FGF18: variants seen among roughly 807,000 people sequenced by gnomAD.
FGF18 encodes the protein fibroblast growth factor 18.
A neutral mutation model predicts 23.0 loss-of-function variants in FGF18; 5 were observed. That is an observed-to-expected ratio of 0.22 (90% CI 0.11 to 0.46). The LOEUF is 0.46. Ranked by LOEUF, FGF18 falls within the 20% of genes least tolerant of loss-of-function variation. The pLI is 0.99. For synonymous variants in FGF18, 117 were observed against 118.9 expected (o/e 0.98, Z 0.10); for missense variants, 180 against 291.6 (o/e 0.62, Z 2.79).
intron 2 of FGF18, among the ~76,000 whole-genome samples, 175 bp from the exon 3 acceptor site, chr5:171,435,918 C>T (rs1003609772): frequency 6.6e-6 from 1 of 152,154 alleles, no homozygotes; most frequent in Non-Finnish European, 1.5e-5. Flanking sequence ...CTCAGAGCCC[C>T]GGTTGCCTTG....
intron 2 of FGF18, among the ~76,000 whole-genome samples, chr5:171,433,774 C>T (rs1242984315): frequency 2.0e-5 from 3 of 152,182 alleles, no homozygotes; most frequent in African/African-American, 4.8e-5. Flanking sequence ...GGGTGATAAG[C>T]GTTCTCATGG....
intron 2 of FGF18, among the ~76,000 whole-genome samples, chr5:171,420,932 G>GAC (rs1561882665): frequency 6.6e-6 from 1 of 152,220 alleles, no homozygotes; most frequent in African/African-American, 2.4e-5. Flanking sequence ...CACACACACA[G>GAC]ACACACACAC....
rs1772515213 is a variant in FGF18, at chr5:171,451,850, C to T, written c.357+2597C>T. Among the ~76,000 whole-genome samples, 1 of 152,212 alleles carries T rather than the reference C, an allele frequency of 6.6e-6. No homozygotes were observed. The highest frequency in any genetic ancestry group is 2.1e-4 in the South Asian group (1 of 4,830). ...TCCCTCTGTCCACTTGCCCTGAGTC[C>T]TGGCTGGTCATTCCCTGACCCCTCT... On this transcript the variant is annotated intron_variant, in intron 4 of 4. Coordinates refer to ENST00000274625, the MANE Select transcript of FGF18 (RefSeq NM_003862.3). This position sits in a 1 kb window ranked among gnomAD's most constrained non-coding sequence, Gnocchi z 4.5.
At chr5:171,449,376 TGTGTGTGTGTGTGTGTGTGTGTGTGA>T (rs1772461119) in intron 4 of FGF18, 123 bp downstream of exon 4, 1 of 473,130 alleles carries the variant, frequency 2.1e-6, no homozygotes, top group African/African-American at 2.4e-5. Flanking sequence ...TGTGTGTGTG[TGTGTGTGTGTGTGTGTGTGTGTGTGA>T]GAGAGAGAGA....
intron 3 of FGF18, 147 bp from the exon 4 acceptor site, chr5:171,449,000 C>A: frequency 1.5e-6 from 1 of 656,934 alleles, no homozygotes; most frequent in South Asian, 1.7e-5. Context: ...AGGCATCTGT[C>A]CTGTGGGACT....
Position 171,449,408 on chromosome 5 carries a change from A to T in FGF18, c.357+155A>T, listed in dbSNP as rs878902685. ...GTGTGTGTGTGTGTGTGTGAGAGAGAGAGAGAGAGAGAGAGACAGGAGAGA... is the reference window on the plus strand; with the variant it reads ...GTGTGTGTGTGTGTGTGTGAGAGAGTGAGAGAGAGAGAGAGACAGGAGAGA... On this transcript the variant is annotated intron_variant, in intron 4 of 4. Coordinates refer to ENST00000274625, the MANE Select transcript of FGF18 (RefSeq NM_003862.3). Among the ~76,000 whole-genome samples the T allele has an allele frequency of 8.7e-3, 651 of 74,688 alleles. 7 individuals are homozygous for T. Among genetic ancestry groups the T allele is most frequent in the African/African-American group, 0.017 (437 of 26,246 alleles). 49.0% of individuals were successfully genotyped at this position (74,688 alleles called of 152,430 possible). A position where few individuals can be genotyped will look rare whatever the true frequency, so the allele number is the denominator to read the frequency against.
intron 2 of FGF18, among the ~76,000 whole-genome samples, chr5:171,425,401 A>C (rs1229312048): frequency 1.3e-5 from 2 of 151,880 alleles, no homozygotes; most frequent in African/African-American, 4.8e-5. Flanking sequence ...TTGTATTTTT[A>C]GTAGAGATGG....
rs552672894 is a variant in FGF18, at chr5:171,437,661, C to T, written c.250+1388C>T. 2.6e-5 allele frequency among the ~76,000 whole-genome samples: 4 copies of T among 152,366 alleles called. No homozygotes were observed. The East Asian group carries it at 7.7e-4, about 29-fold the overall frequency. ...TCTGCTGGCTGCCTCTATGGGGCCTCCCATCCCTCGTGGCCCCCTCCACAG... is the reference window on the plus strand; with the variant it reads ...TCTGCTGGCTGCCTCTATGGGGCCTTCCATCCCTCGTGGCCCCCTCCACAG... On this transcript the variant is annotated intron_variant, in intron 3 of 4. Coordinates refer to ENST00000274625, the MANE Select transcript of FGF18 (RefSeq NM_003862.3).
chr5:171,431,127 T>G (rs1413187286), intron 2 of FGF18, among the ~76,000 whole-genome samples: 1 of 152,164 alleles, frequency 6.6e-6, no homozygotes, highest in Non-Finnish European at 1.5e-5. Context: ...GCTAAAATCT[T>G]CAAGCCAGAG....
At chr5:171,431,168 G>T (rs1436606807) in intron 2 of FGF18, among the ~76,000 whole-genome samples, 2 of 152,196 alleles carry the variant, frequency 1.3e-5, no homozygotes, top group African/African-American at 4.8e-5. Flanking sequence ...ATGCTCTGGT[G>T]TGAGGTGGTA....
rs765460098 is a variant in FGF18, at chr5:171,456,580, T to G, written c.399T>G (p.Val133=). The change falls in exon 5 of 5, where the codon GTT becomes GTG. Residue 133 remains valine, a synonymous_variant. Transcript: ENST00000274625. The surrounding 1 kb of genome is among the most constrained non-coding windows in gnomAD (Gnocchi z 6.1). ...TSKECVFIEK[V]LENNYTALMS... ...AGGAGTGTGTGTTCATCGAGAAGGT[T>G]CTGGAGAACAACTACACGGCCCTGA... 2.5e-6 allele frequency: 4 copies of G among 1,614,008 alleles called. No homozygotes were observed. The East Asian group carries it at 6.7e-5, about 27-fold the overall frequency.
intron 4 of FGF18, among the ~76,000 whole-genome samples, chr5:171,454,508 C>A (rs1245950523): frequency 1.3e-5 from 2 of 152,140 alleles, no homozygotes; most frequent in Non-Finnish European, 2.9e-5. Context: ...CTGGGTCCCA[C>A]GTGTGTGTCC....
chr5:171,422,984 A>C (rs1772038920), intron 2 of FGF18, among the ~76,000 whole-genome samples: 1 of 152,188 alleles, frequency 6.6e-6, no homozygotes, highest in Non-Finnish European at 1.5e-5. Context: ...CCAGGAAGGC[A>C]CATTGTGGCT....
At chr5:171,431,940 CG>C in intron 2 of FGF18, among the ~76,000 whole-genome samples, 1 of 152,056 alleles carries the variant, frequency 6.6e-6, no homozygotes, top group East Asian at 1.9e-4. Context: ...CCCAGCTACT[CG>C]GGGAGGCTGA....
chr5:171,431,906 G>A (rs1015279350), intron 2 of FGF18, among the ~76,000 whole-genome samples: 4 of 152,032 alleles, frequency 2.6e-5, no homozygotes, highest in Admixed American at 6.6e-5. Context: ...AAAATTAGCC[G>A]GTGTGGTGGT....
rs1325227087 is a variant in FGF18 at position 171,457,156 on chromosome 5, AG to A, written c.*353del. ...AGTCCTTTTTCCCAAAGGTTCTGAA[AG>A]GAAAAAAAAAAAAAACAAAAAAAAA... On this transcript the variant is annotated 3_prime_UTR_variant, in exon 5 of 5. Transcript: ENST00000274625. 5.6e-6 allele frequency: 1 copy of A among 180,110 alleles called. No individual in the cohort carries two copies. Among genetic ancestry groups the A allele is most frequent in the Non-Finnish European group, 1.1e-5 (1 of 88,026 alleles). The allele number at this position is 180,110 out of a possible 1,614,324, so 11.2% of individuals were successfully genotyped here. A position where few individuals can be genotyped will look rare whatever the true frequency, so the allele number is the denominator to read the frequency against.
chr5:171,450,742 A>G (rs1290864164), intron 4 of FGF18, among the ~76,000 whole-genome samples: 2 of 151,980 alleles, frequency 1.3e-5, no homozygotes, highest in Non-Finnish European at 2.9e-5. Context: ...GGGGCCACGG[A>G]CTGGGGCGCG....
At position 171,436,378 on chromosome 5, in the gene FGF18, G is replaced by T; in HGVS notation, c.250+105G>T. On this transcript the variant is annotated intron_variant, in intron 3 of 4. Transcript: ENST00000274625. The surrounding 1 kb of genome is among the most constrained non-coding windows in gnomAD (Gnocchi z 4.4). ...CCAGCCTTGCTGCTCCTGGCTGTGTGATCTTGGACCTGGCACTGACCCTTT... is the reference window on the plus strand; with the variant it reads ...CCAGCCTTGCTGCTCCTGGCTGTGTTATCTTGGACCTGGCACTGACCCTTT... 1.0e-6 allele frequency: 1 copy of T among 969,412 alleles called. No individual in the cohort carries two copies. Among genetic ancestry groups the T allele is most frequent in the Non-Finnish European group, 1.4e-6 (1 of 700,776 alleles). The allele number at this position is 969,412 out of a possible 1,614,324, so 60.1% of individuals were successfully genotyped here.
intron 2 of FGF18, among the ~76,000 whole-genome samples, chr5:171,430,849 C>A (rs990431432): frequency 8.2e-5 from 12 of 146,100 alleles, no homozygotes; most frequent in African/African-American, 2.5e-4. Context: ...CTAATATAAT[C>A]TTTTTCTGAG....
Sources: gnomAD v4.1 joint callset for allele counts (sites outside exome capture counted in the v4.1 genomes callset) on GRCh38, gnomAD v4.1.1 for gene constraint, Gnocchi (gnomAD v3.1) non-coding constraint, MANE v1.5 for transcripts, NCBI Gene and HGNC (gene_info 2026-07-23, HGNC 2026-07-21) for gene names.